The following CTNNA2 variants were observed in gnomAD, a reference collection of about 807,000 sequenced individuals.
The protein encoded by CTNNA2 is catenin alpha-2.
Under a neutral mutation model 101.0 loss-of-function variants are expected in CTNNA2, and 42 were observed. The observed-to-expected ratio is 0.42, with a 90% confidence interval of 0.32 to 0.54. CTNNA2 has a LOEUF of 0.54. Ranked by LOEUF, CTNNA2 falls within the 20% of genes least tolerant of loss-of-function variation. The pLI, the probability that CTNNA2 is intolerant of heterozygous loss-of-function variation, is 0.14. For synonymous variants in CTNNA2, 450 were observed against 456.4 expected, an observed-to-expected ratio of 0.99 and a Z score of 0.18; for missense variants, 871 against 1,223.1, an observed-to-expected ratio of 0.71 and a Z score of 4.29.
intron 3 of CTNNA2, among the ~76,000 whole-genome samples, chr2:79,844,525 G>A (rs1680055554): frequency 6.6e-6 from 1 of 152,096 alleles, no homozygotes; most frequent in African/African-American, 2.4e-5. Context: ...GAGACAAAAG[G>A]GTAAAATTCA....
intron 9 of CTNNA2, among the ~76,000 whole-genome samples, chr2:80,537,079 C>T (rs899162093): frequency 2.6e-5 from 4 of 151,770 alleles, no homozygotes; most frequent in South Asian, 2.1e-4. Context: ...CCCCTTGCAT[C>T]CCACCCCCTG....
chr2:79,743,537 T>C (rs1671439562), intron 2 of CTNNA2, among the ~76,000 whole-genome samples: 1 of 94,138 alleles, frequency 1.1e-5, no homozygotes, highest in Admixed American at 1.1e-4. Context: ...ATTTTATTTA[T>C]TTTTTTTTTT....
intron 4 of CTNNA2, among the ~76,000 whole-genome samples, chr2:79,443,422 A>G (rs192918823): frequency 1.2e-4 from 18 of 152,232 alleles, no homozygotes; most frequent in Middle Eastern, 3.4e-3. Flanking sequence ...GCTCTCAGCA[A>G]TTGAATCTCA....
intron 7 of CTNNA2, among the ~76,000 whole-genome samples, chr2:80,078,886 G>T (rs1443919470): frequency 1.3e-5 from 2 of 152,132 alleles, no homozygotes; most frequent in African/African-American, 4.8e-5. Context: ...AGGCTAGGGG[G>T]ATGACATGGT....
At chr2:79,720,275 G>C (rs185112932) in intron 2 of CTNNA2, among the ~76,000 whole-genome samples, 2 of 151,982 alleles carry the variant, frequency 1.3e-5, no homozygotes, top group Non-Finnish European at 2.9e-5. Flanking sequence ...TACCAGTACC[G>C]TGCTGGTTTG....
At chr2:79,943,582 T>A (rs2104464721) in intron 7 of CTNNA2, among the ~76,000 whole-genome samples, 1 of 152,296 alleles carries the variant, frequency 6.6e-6, no homozygotes, top group East Asian at 1.9e-4. Flanking sequence ...AGAGGACACT[T>A]GCCAGCTCAG....
intron 2 of CTNNA2, among the ~76,000 whole-genome samples, chr2:79,224,613 G>A (rs1572987675): frequency 6.6e-6 from 1 of 151,578 alleles, no homozygotes; most frequent in East Asian, 1.9e-4. Context: ...GCAATGACAT[G>A]CATGCATGCA....
At chr2:80,246,839 C>G (rs1671365981) in intron 7 of CTNNA2, among the ~76,000 whole-genome samples, 2 of 152,208 alleles carry the variant, frequency 1.3e-5, no homozygotes, top group South Asian at 4.1e-4. Flanking sequence ...CTTACATTAA[C>G]TGGTTAATTG....
intron 7 of CTNNA2, among the ~76,000 whole-genome samples, chr2:80,190,978 C>T (rs756411413): frequency 1.3e-5 from 2 of 152,254 alleles, no homozygotes; most frequent in African/African-American, 4.8e-5. Flanking sequence ...CTTGTTCCAC[C>T]GCCTTTAAAA....
At chr2:79,226,538 C>G (rs901183585) in intron 2 of CTNNA2, among the ~76,000 whole-genome samples, 7 of 152,134 alleles carry the variant, frequency 4.6e-5, no homozygotes, top group Admixed American at 4.6e-4. Flanking sequence ...GATATTCGAG[C>G]AGATATAGGG....
intron 3 of CTNNA2, among the ~76,000 whole-genome samples, chr2:79,752,343 C>T (rs765214092): frequency 3.3e-5 from 5 of 152,146 alleles, no homozygotes; most frequent in Non-Finnish European, 7.4e-5. Flanking sequence ...TCACTCTAGA[C>T]TCTAGAATGT....
intron 3 of CTNNA2, among the ~76,000 whole-genome samples, chr2:79,818,662 C>T (rs1005647963): frequency 1.3e-5 from 2 of 151,668 alleles, no homozygotes; most frequent in Non-Finnish European, 2.9e-5. Flanking sequence ...GTAGCACTGA[C>T]AACTCCTAAA....
At chr2:79,759,764 A>G (rs1672653938) in intron 3 of CTNNA2, among the ~76,000 whole-genome samples, 1 of 152,134 alleles carries the variant, frequency 6.6e-6, no homozygotes, top group South Asian at 2.1e-4. Flanking sequence ...TACTGTATAT[A>G]CCAACCATTC....
intron 7 of CTNNA2, among the ~76,000 whole-genome samples, chr2:80,358,530 TAGTAGA>T (rs1286478671): frequency 6.6e-6 from 1 of 151,906 alleles, no homozygotes; most frequent in Non-Finnish European, 1.5e-5. Flanking sequence ...TTTGTATTTT[TAGTAGA>T]GATGGGGTTT....
intron 9 of CTNNA2, among the ~76,000 whole-genome samples, chr2:80,424,786 C>CT (rs1680849175): frequency 6.6e-6 from 1 of 152,166 alleles, no homozygotes; most frequent in South Asian, 2.1e-4. Flanking sequence ...CTTTGCCTTG[C>CT]TTTTTGGATG....
chr2:80,148,823 C>T (rs1038671654), intron 7 of CTNNA2, among the ~76,000 whole-genome samples: 6 of 152,060 alleles, frequency 3.9e-5, no homozygotes, highest in Non-Finnish European at 8.8e-5. Context: ...AAGGTTGAAC[C>T]ACTGGACTCC....
chr2:79,685,883 A>G (rs937470475), intron 2 of CTNNA2, among the ~76,000 whole-genome samples: 1 of 152,162 alleles, frequency 6.6e-6, no homozygotes, highest in African/African-American at 2.4e-5. Flanking sequence ...GCAAATGGGC[A>G]GTTTTGTAAT....
chr2:80,559,891 T>TATATATATATATATATATACACAC (rs1553387588), intron 12 of CTNNA2, among the ~76,000 whole-genome samples: 25 of 146,810 alleles, frequency 1.7e-4, no homozygotes, highest in African/African-American at 6.0e-4. Flanking sequence ...TATATATATA[T>TATATATATATATATATATACACAC]ACACACACAT....
intron 7 of CTNNA2, among the ~76,000 whole-genome samples, chr2:80,182,856 T>G (rs1433649986): frequency 1.3e-5 from 2 of 152,124 alleles, no homozygotes; most frequent in Admixed American, 1.3e-4. Context: ...TGAGAAAAAC[T>G]TTAACATGCC....
Sources: allele counts gnomAD v4.1 joint callset (sites outside exome capture counted in the v4.1 genomes callset), GRCh38; gene constraint gnomAD v4.1.1; transcripts MANE v1.5; gene names NCBI Gene and HGNC (gene_info 2026-07-23, HGNC 2026-07-21).